ROBO2: variants seen among roughly 807,000 people sequenced by gnomAD.
ROBO2 encodes the protein roundabout homolog 2.
Under a neutral mutation model 160.8 loss-of-function variants are expected in ROBO2, and 53 were observed. The observed-to-expected ratio is 0.33, with a 90% CI of 0.26 to 0.41. ROBO2 has a LOEUF of 0.41. Among genes scored for constraint, ROBO2 ranks in the 10% least tolerant of loss-of-function variants. ROBO2 has a pLI of 1.00. For synonymous variants in ROBO2, 664 were observed against 611.7 expected, an observed-to-expected ratio of 1.09 and a Z score of -1.26; for missense variants, 1,577 against 1,722.4, an observed-to-expected ratio of 0.92 and a Z score of 1.49.
chr3:76,522,106 T>G (rs1250515995), intron 2 of ROBO2, among the ~76,000 whole-genome samples: 1 of 152,186 alleles, frequency 6.6e-6, no homozygotes, highest in African/African-American at 2.4e-5. Flanking sequence ...AGCATTTGCA[T>G]TGTGGGCGGT....
chr3:76,351,388 T>C (rs1010384039), intron 2 of ROBO2, among the ~76,000 whole-genome samples: 8 of 151,958 alleles, frequency 5.3e-5, no homozygotes, highest in Non-Finnish European at 1.2e-4. Context: ...TTTGAGACTT[T>C]TGGGGCAAAC....
chr3:76,825,623 A>AG (rs2066512637), intron 2 of ROBO2, among the ~76,000 whole-genome samples: 1 of 127,242 alleles, frequency 7.9e-6, no homozygotes, highest in Non-Finnish European at 1.8e-5. Flanking sequence ...AAAAAAAAAA[A>AG]AAAAAAAAAT....
At chr3:76,764,568 G>A (rs2061475912) in intron 2 of ROBO2, among the ~76,000 whole-genome samples, 1 of 151,606 alleles carries the variant, frequency 6.6e-6, no homozygotes, top group African/African-American at 2.4e-5. Flanking sequence ...TAATTTTCCA[G>A]GCTCATCTTT....
intron 2 of ROBO2, among the ~76,000 whole-genome samples, chr3:76,125,316 A>G (rs1239750536): frequency 1.3e-5 from 2 of 152,118 alleles, no homozygotes; most frequent in Non-Finnish European, 2.9e-5. Flanking sequence ...ACATGAGCAC[A>G]TGTGTCATTT....
rs544309555 is a variant in ROBO2 at position 76,951,341 on chromosome 3, G to A, written c.110-146673G>A. ...CTGGTTATAACATCTTCTATCTAAC[G>A]GATCTCTGTTTCTTTTAAAAAGTTG... On this transcript the variant is annotated intron_variant, in intron 2 of 26. Coordinates refer to the ROBO2 transcript ENST00000487694. Among the ~76,000 whole-genome samples the A allele has an allele frequency of 7.9e-5, 12 of 152,172 alleles. No homozygotes were observed. In the South Asian group the frequency reaches 1.5e-3, roughly 18 times the overall value.
intron 2 of ROBO2, among the ~76,000 whole-genome samples, chr3:76,272,971 A>ATATAT (rs1707648767): frequency 4.0e-4 from 8 of 19,928 alleles, no homozygotes; most frequent in South Asian, 2.4e-3. Context: ...TTTATATATA[A>ATATAT]AATATATATA....
intron 2 of ROBO2, among the ~76,000 whole-genome samples, chr3:77,373,359 A>C (rs907553501): frequency 6.6e-6 from 1 of 151,780 alleles, no homozygotes; most frequent in Non-Finnish European, 1.5e-5. Context: ...AGTCAACTAG[A>C]TACAAATGTT....
intron 2 of ROBO2, among the ~76,000 whole-genome samples, chr3:76,471,813 A>G (rs938008295): frequency 6.6e-6 from 1 of 152,114 alleles, no homozygotes; most frequent in Non-Finnish European, 1.5e-5. Flanking sequence ...CAGAAGGGGA[A>G]GCAAACACAT....
intron 8 of ROBO2, among the ~76,000 whole-genome samples, chr3:77,553,685 G>A (rs1484971671): frequency 2.0e-5 from 3 of 151,898 alleles, no homozygotes; most frequent in Non-Finnish European, 4.4e-5. Flanking sequence ...ATAGATCAGT[G>A]AGTCACAACA....
Position 76,610,053 on chromosome 3 carries a change from TC to T in ROBO2, c.110-487958del, listed in dbSNP as rs543534221. On this transcript the variant is annotated intron_variant, in intron 2 of 26. Coordinates refer to the ROBO2 transcript ENST00000487694. The stretch of plus-strand genomic sequence containing the variant: ...GCCATCCTTGCATCCCAGGAATAAA[TC>T]CCGCTTGGTCATGATGAAAAAATTT... Among the ~76,000 whole-genome samples the T allele has an allele frequency of 3.9e-5, 6 of 152,318 alleles. No homozygotes were observed. The South Asian group carries it at 1.2e-3, about 32-fold the overall frequency.
intron 2 of ROBO2, among the ~76,000 whole-genome samples, chr3:76,927,702 A>G (rs1403601680): frequency 2.0e-5 from 3 of 152,218 alleles, no homozygotes; most frequent in Non-Finnish European, 4.4e-5. Flanking sequence ...AGAAGCAAAT[A>G]TATCAAAAAT....
intron 2 of ROBO2, among the ~76,000 whole-genome samples, chr3:76,924,021 A>T (rs2076828567): frequency 6.6e-6 from 1 of 152,210 alleles, no homozygotes; most frequent in African/African-American, 2.4e-5. Context: ...GTCATCTCTT[A>T]TGTTTAATCA....
chr3:76,887,356 G>A lies in ROBO2; in HGVS notation c.110-210658G>A, dbSNP rs575271404. Among the ~76,000 whole-genome samples, 25 of 151,664 alleles carry A rather than the reference G, an allele frequency of 1.6e-4. No homozygotes were observed. In the South Asian group the frequency reaches 2.3e-3, roughly 14 times the overall value. On this transcript the variant is annotated intron_variant, in intron 2 of 26. Coordinates refer to the ROBO2 transcript ENST00000487694. ...GTTAAGGTCATTAAACTTCTGTGTC[G>A]CTAGTTCTAACTCCTAGTTAGTAAA...
chr3:76,571,182 C>T (rs1471637767), intron 2 of ROBO2, among the ~76,000 whole-genome samples: 1 of 152,048 alleles, frequency 6.6e-6, no homozygotes, highest in Admixed American at 6.6e-5. Flanking sequence ...CCAGGAAATA[C>T]TAATACAGCA....
exon 1 of ROBO2, chr3:75,906,877 G>T (rs1946367513): frequency 6.6e-6 from 1 of 152,284 alleles, no homozygotes; most frequent in African/African-American, 2.4e-5. Context: ...CGCTGCCCTC[G>T]TTATTCACAC....
At chr3:77,095,518 A>C (rs113738892) in intron 1 of ROBO2, among the ~76,000 whole-genome samples, 25 of 152,258 alleles carry the variant, frequency 1.6e-4, no homozygotes, top group African/African-American at 6.0e-4. Flanking sequence ...CTTACTTTTA[A>C]TAGTAGAACA....
intron 2 of ROBO2, among the ~76,000 whole-genome samples, chr3:76,220,523 A>G (rs895121334): frequency 6.6e-6 from 1 of 152,118 alleles, no homozygotes; most frequent in African/African-American, 2.4e-5. Context: ...CGATGCAGCA[A>G]GAAGGCTTGC....
intron 2 of ROBO2, among the ~76,000 whole-genome samples, chr3:75,995,261 A>T (rs2065691060): frequency 6.6e-6 from 1 of 152,106 alleles, no homozygotes; most frequent in African/African-American, 2.4e-5. Flanking sequence ...GAAGGAAAAA[A>T]TGGTTTCCAG....
chr3:77,121,444 T>C (rs1215233074), intron 2 of ROBO2, among the ~76,000 whole-genome samples: 1 of 152,186 alleles, frequency 6.6e-6, no homozygotes, highest in Non-Finnish European at 1.5e-5. Context: ...TATTACATTT[T>C]TAATTGGCTT....
Sources: gnomAD v4.1 joint callset for allele counts (sites outside exome capture counted in the v4.1 genomes callset) on GRCh38, gnomAD v4.1.1 for gene constraint, MANE v1.5 for transcripts, NCBI Gene and HGNC (gene_info 2026-07-23, HGNC 2026-07-21) for gene names.